The following NELL1 variants were observed in gnomAD, a reference collection of about 807,000 sequenced individuals.
NELL1 encodes the protein protein kinase C-binding protein NELL1.
In NELL1, 76 loss-of-function variants were observed where a neutral mutation model predicts 107.4. That is an observed-to-expected ratio of 0.71 (90% CI 0.59 to 0.86). NELL1 has a LOEUF of 0.86. Among genes scored for constraint, NELL1 ranks in the 40% least tolerant of loss-of-function variants. NELL1 has a pLI of 0.00. For synonymous variants in NELL1, 353 were observed against 341.2 expected (o/e 1.03, Z -0.38); for missense variants, 1,024 against 1,005.5 (o/e 1.02, Z -0.25).
intron 2 of NELL1, among the ~76,000 whole-genome samples, chr11:20,738,953 T>C (rs1179476679): frequency 6.6e-6 from 1 of 152,192 alleles, no homozygotes; most frequent in Non-Finnish European, 1.5e-5. Context: ...GGAGCAGAGA[T>C]ACAAGTAGGG....
intron 14 of NELL1, among the ~76,000 whole-genome samples, chr11:21,268,907 G>C (rs936377118): frequency 1.3e-5 from 2 of 152,078 alleles, no homozygotes; most frequent in African/African-American, 4.8e-5. Flanking sequence ...GGATAAAGTA[G>C]ACAGAATGTA....
rs767124685 is a variant in NELL1 at position 20,960,299 on chromosome 11, A to G, written c.1172-133A>G. ...TATCTATTCTGCCACTTTCCTATCC[A>G]GTTTATCCGTGCATACTGCCAAAGT... is the stretch of plus-strand genomic sequence containing the variant. On this transcript the variant is annotated intron_variant, in intron 11 of 19. Coordinates refer to ENST00000357134, the MANE Select transcript of NELL1 (RefSeq NM_006157.5). The G allele has an allele frequency of 8.3e-5, 75 of 900,048 alleles. 1 individual carries two copies. The highest frequency in any genetic ancestry group is 7.0e-4 in the Middle Eastern group (2 of 2,866). The allele number at this position is 900,048 out of a possible 1,614,324, so 55.8% of individuals were successfully genotyped here.
At position 21,534,363 on chromosome 11, in the gene NELL1, C is replaced by T. The variant is rs200042328; in HGVS notation, c.1646-11C>T. Reference sequence around the variant, plus strand: ...AATATCCTGGTGGGCTTGTGTTTTTCTCTGAGGCAGATATTGATGAATGTT... The same window carrying T: ...AATATCCTGGTGGGCTTGTGTTTTTTTCTGAGGCAGATATTGATGAATGTT... On this transcript the variant is annotated splice_polypyrimidine_tract_variant and intron_variant, in intron 15 of 19. Transcript: ENST00000357134. 122 of 1,613,644 alleles carry T rather than the reference C, an allele frequency of 7.6e-5. No individual in the cohort carries two copies. Among genetic ancestry groups the T allele is most frequent in the Admixed American group, 4.7e-4 (28 of 59,976 alleles).
At chr11:20,990,907 C>T (rs1486223863) in intron 12 of NELL1, among the ~76,000 whole-genome samples, 1 of 152,200 alleles carries the variant, frequency 6.6e-6, no homozygotes, top group African/African-American at 2.4e-5. Flanking sequence ...TTCTCTGGCT[C>T]TTGACCCCAG....
intron 2 of NELL1, among the ~76,000 whole-genome samples, chr11:20,737,330 A>G (rs938638866): frequency 3.3e-5 from 5 of 152,128 alleles, no homozygotes; most frequent in African/African-American, 1.2e-4. Context: ...GTTTTCAGAT[A>G]TATCTGAGTT....
intron 15 of NELL1, among the ~76,000 whole-genome samples, chr11:21,421,652 A>C (rs558360745): frequency 8.3e-6 from 1 of 120,954 alleles, no homozygotes; most frequent in African/African-American, 3.4e-5. Context: ...AACTTCCAGG[A>C]GATTTAAAGA....
At chr11:21,102,453 G>A (rs1471941643) in intron 12 of NELL1, among the ~76,000 whole-genome samples, 1 of 152,070 alleles carries the variant, frequency 6.6e-6, no homozygotes. Flanking sequence ...TTTTTGTTTG[G>A]CTCTGCCCCT....
intron 15 of NELL1, among the ~76,000 whole-genome samples, chr11:21,457,066 A>G (rs1853765197): frequency 6.6e-6 from 1 of 152,164 alleles, no homozygotes; most frequent in Non-Finnish European, 1.5e-5. Context: ...GTGTAAATAA[A>G]TAAATTTAAA....
intron 2 of NELL1, among the ~76,000 whole-genome samples, chr11:20,695,802 A>C (rs1438071229): frequency 6.6e-6 from 1 of 152,016 alleles, no homozygotes; most frequent in Non-Finnish European, 1.5e-5. Flanking sequence ...ATGAGTTAGG[A>C]AGGAGTCCTC....
chr11:21,216,399 A>G lies in NELL1; in HGVS notation c.1427-12933A>G, dbSNP rs558668603. On this transcript the variant is annotated intron_variant, in intron 13 of 19. Coordinates refer to ENST00000357134, the MANE Select transcript of NELL1 (RefSeq NM_006157.5). ...TTAGTGGAGCTATGAGAAGTGGGCCACCATCCTTCAGATCCCAGAATGGTA... is the reference window on the plus strand; with the variant it reads ...TTAGTGGAGCTATGAGAAGTGGGCCGCCATCCTTCAGATCCCAGAATGGTA... 3.9e-5 allele frequency among the ~76,000 whole-genome samples: 6 copies of G among 152,308 alleles called. No homozygotes were observed. In the South Asian group the frequency reaches 1.2e-3, roughly 32 times the overall value.
In NELL1 at chr11:20,783,772, G is replaced by A; in HGVS notation, c.277G>A (p.Val93Ile). 1.2e-6 allele frequency: 2 copies of A among 1,614,074 alleles called. No individual in the cohort carries two copies. Among genetic ancestry groups the A allele is most frequent in the Non-Finnish European group, 1.7e-6 (2 of 1,179,952 alleles). The change falls in exon 3 of 20, where the codon GTA becomes ATA. Residue 93 changes from valine (V) to isoleucine (I), a missense_variant. Val to Ile is a conservative substitution (Grantham distance 29). Transcript: ENST00000357134. ...GAGTGAATTCACCATTTTGGCCACT[G>A]TACAGCAGAAGCCATCCACTTCAGG... ...NKSEFTILAT[V>I]QQKPSTSGVI...
At chr11:21,006,962 T>G (rs1413250404) in intron 12 of NELL1, among the ~76,000 whole-genome samples, 1 of 152,142 alleles carries the variant, frequency 6.6e-6, no homozygotes, top group Admixed American at 6.6e-5. Flanking sequence ...GTTAACTTTG[T>G]ATGGATATCT....
intron 15 of NELL1, among the ~76,000 whole-genome samples, chr11:21,526,540 C>T (rs142222216): frequency 6.0e-4 from 92 of 152,286 alleles, no homozygotes; most frequent in African/African-American, 2.1e-3. Flanking sequence ...TCCTTTTTTA[C>T]TGCCCTAGCA....
intron 4 of NELL1, among the ~76,000 whole-genome samples, chr11:20,872,395 G>A (rs1564943893): frequency 1.3e-5 from 2 of 152,042 alleles, no homozygotes; most frequent in Non-Finnish European, 2.9e-5. Context: ...TGCTCAGGCT[G>A]GTCTAGAATT....
intron 13 of NELL1, among the ~76,000 whole-genome samples, chr11:21,181,194 G>A (rs1185135122): frequency 6.6e-6 from 1 of 151,848 alleles, no homozygotes; most frequent in Admixed American, 6.6e-5. Context: ...GTGAAGATGA[G>A]TAATACATTT....
At chr11:20,743,921 T>C (rs56161631) in intron 2 of NELL1, among the ~76,000 whole-genome samples, 31,609 of 152,096 alleles carry the variant, frequency 0.21, 3,642 homozygotes, top group South Asian at 0.29. Flanking sequence ...GCCCCAATCC[T>C]AAGCCTTTTC....
chr11:20,910,495 G>C (rs958469163), intron 5 of NELL1, among the ~76,000 whole-genome samples: 2 of 152,214 alleles, frequency 1.3e-5, no homozygotes, highest in Admixed American at 6.5e-5. Context: ...ACTCACCACA[G>C]TTTGAGAGTG....
chr11:21,566,131 A>T (rs920675352), intron 17 of NELL1, among the ~76,000 whole-genome samples: 1 of 151,944 alleles, frequency 6.6e-6, no homozygotes, highest in Non-Finnish European at 1.5e-5. Flanking sequence ...GAACAAGGGA[A>T]CTTGTGTTCC....
At chr11:21,525,363 G>A (rs989553500) in intron 15 of NELL1, among the ~76,000 whole-genome samples, 1 of 152,216 alleles carries the variant, frequency 6.6e-6, no homozygotes, top group African/African-American at 2.4e-5. Flanking sequence ...GATATTTTAT[G>A]AGACAATCAG....
Sources: gnomAD v4.1 joint callset for allele counts (sites outside exome capture counted in the v4.1 genomes callset) on GRCh38, gnomAD v4.1.1 for gene constraint, MANE v1.5 for transcripts, NCBI Gene and HGNC (gene_info 2026-07-23, HGNC 2026-07-21) for gene names.